Variants in SLC30A6 observed in about 807,000 individuals in gnomAD.
The protein encoded by SLC30A6 is solute carrier family 30 member 6.
Under a neutral mutation model 63.0 loss-of-function variants are expected in SLC30A6, and 55 were observed. That is an observed-to-expected ratio of 0.87 (90% CI 0.70 to 1.09). The LOEUF (loss-of-function observed/expected upper bound fraction) is 1.09, where lower values mean the gene tolerates loss of function less well. Among genes scored for constraint, SLC30A6 ranks in the 50% least tolerant of loss-of-function variants. SLC30A6 has a pLI of 0.00. For synonymous variants in SLC30A6, 224 were observed against 186.1 expected, an observed-to-expected ratio of 1.20 and a Z score of -1.66; for missense variants, 587 against 549.2, an observed-to-expected ratio of 1.07 and a Z score of -0.69.
At chr2:32,194,013 A>T (rs753067363) in intron 8 of SLC30A6, 30 bp downstream of exon 8, 1 of 1,528,276 alleles carries the variant, frequency 6.5e-7, no homozygotes, top group South Asian at 1.2e-5. Context: ...TTAATTTAAA[A>T]ATCCAACTAA....
chr2:32,201,480 C>A, intron 10 of SLC30A6: 1 of 425,278 alleles, frequency 2.4e-6, no homozygotes, highest in East Asian at 4.0e-5. Flanking sequence ...TCAAAAATTA[C>A]TAGTTGAATG....
intron 13 of SLC30A6, among the ~76,000 whole-genome samples, chr2:32,218,163 G>A (rs948114767): frequency 5.3e-5 from 8 of 152,024 alleles, no homozygotes; most frequent in Admixed American, 1.3e-4. Flanking sequence ...GCTCACGCCC[G>A]TAATCCCAGC....
At chr2:32,217,718 T>A (rs1685825233) in intron 13 of SLC30A6, among the ~76,000 whole-genome samples, 1 of 152,232 alleles carries the variant, frequency 6.6e-6, no homozygotes, top group African/African-American at 2.4e-5. Flanking sequence ...TCCATTTGTT[T>A]GTATCATCTG....
intron 8 of SLC30A6, 93 bp from the exon 9 acceptor site, chr2:32,197,251 C>T (rs1558403719): frequency 1.7e-6 from 2 of 1,165,886 alleles, no homozygotes; most frequent in Non-Finnish European, 1.2e-6. Flanking sequence ...CAGTCACTGC[C>T]AAATTTATTT....
At chr2:32,210,308 T>G (rs1347189182) in intron 13 of SLC30A6, among the ~76,000 whole-genome samples, 1 of 152,122 alleles carries the variant, frequency 6.6e-6, no homozygotes, top group African/African-American at 2.4e-5. Flanking sequence ...GGTTGAGAGT[T>G]TGAGACCAAC....
intron 5 of SLC30A6, among the ~76,000 whole-genome samples, chr2:32,191,896 CTAA>C (rs1231854807): frequency 6.6e-6 from 1 of 151,934 alleles, no homozygotes; most frequent in Non-Finnish European, 1.5e-5. Context: ...TAAAGTAATT[CTAA>C]TAAGGGGTTG....
intron 2 of SLC30A6, among the ~76,000 whole-genome samples, chr2:32,171,916 A>T (rs1046296844): frequency 3.3e-5 from 5 of 151,658 alleles, no homozygotes; most frequent in African/African-American, 1.2e-4. Context: ...CTGATCTCGA[A>T]CTCCCGACCT....
intron 13 of SLC30A6, among the ~76,000 whole-genome samples, chr2:32,217,085 A>G (rs577683414): frequency 2.6e-5 from 4 of 151,714 alleles, no homozygotes; most frequent in African/African-American, 9.7e-5. Context: ...TTTTGTAGAA[A>G]CAGGGTTTCA....
intron 5 of SLC30A6, among the ~76,000 whole-genome samples, chr2:32,191,697 T>C (rs1683335510): frequency 6.6e-6 from 1 of 152,112 alleles, no homozygotes; most frequent in Admixed American, 6.6e-5. Flanking sequence ...CAGTTACTTT[T>C]CTTCTTCGTG....
chr2:32,185,121 C>T (rs1210753013), intron 5 of SLC30A6, among the ~76,000 whole-genome samples: 2 of 152,024 alleles, frequency 1.3e-5, no homozygotes, highest in African/African-American at 4.8e-5. Flanking sequence ...GTAACCCTAG[C>T]ACTTTGGTAG....
intron 13 of SLC30A6, 55 bp downstream of exon 13, chr2:32,209,616 T>G: frequency 7.0e-7 from 1 of 1,425,184 alleles, no homozygotes; most frequent in African/African-American, 1.5e-5. Context: ...TCTTCCATTT[T>G]TAAAACTGAA....
Position 32,171,349 on chromosome 2 carries a change from T to A in SLC30A6, c.66T>A (p.Phe22Leu), listed in dbSNP as rs1398849912. Residue 22 changes from phenylalanine (F) to leucine (L), a missense_variant, in exon 2 of 14, where the codon TTT becomes TTA. By Grantham distance (22) the Phe-to-Leu change is conservative. Coordinates refer to ENST00000282587, the MANE Select transcript of SLC30A6 (RefSeq NM_017964.5). The stretch of plus-strand genomic sequence containing the variant: ...TTTTTGGCAAGTTGTTACGGGAATT[T>A]AGACTTGTAGCAGCTGACCGAAGGG... ...RSFFGKLLRE[F>L]RLVAADRRSW... 6.2e-7 allele frequency: 1 copy of A among 1,613,814 alleles called. No homozygotes were observed. Among genetic ancestry groups the A allele is most frequent in the Admixed American group, 1.7e-5 (1 of 60,010 alleles).
intron 6 of SLC30A6, 43 bp from the exon 7 acceptor site, chr2:32,192,875 T>C (rs773561668): frequency 4.7e-6 from 6 of 1,277,882 alleles, no homozygotes. Context: ...TTTTTAACTT[T>C]ATAATTTATA....
At chr2:32,201,730 G>C in intron 10 of SLC30A6, 1 of 1,335,304 alleles carries the variant, frequency 7.5e-7, no homozygotes, top group East Asian at 2.4e-5. Flanking sequence ...TTATGGACCT[G>C]TACTTCCCTT....
In SLC30A6 at chr2:32,207,161, C is replaced by T. The variant is rs534354007; in HGVS notation, c.816+228C>T. ...TGAAGTGAATGTGGAAGGTAATGGCCTAATGACCACCCTATTATAAATGCT... is the reference window on the plus strand; with the variant it reads ...TGAAGTGAATGTGGAAGGTAATGGCTTAATGACCACCCTATTATAAATGCT... On this transcript the variant is annotated intron_variant, in intron 12 of 13. Transcript: ENST00000282587. 7.9e-5 allele frequency among the ~76,000 whole-genome samples: 12 copies of T among 152,080 alleles called. No homozygotes were observed. In the South Asian group the frequency reaches 2.3e-3, roughly 29 times the overall value.
At chr2:32,184,232 C>T in intron 4 of SLC30A6, 41 bp from the exon 5 acceptor site, 1 of 1,195,550 alleles carries the variant, frequency 8.4e-7, no homozygotes, top group Non-Finnish European at 1.2e-6. Context: ...CACATGTTCT[C>T]TTCTAGTTCT....
At chr2:32,207,348 C>A (rs904709551) in intron 12 of SLC30A6, among the ~76,000 whole-genome samples, 3 of 151,688 alleles carry the variant, frequency 2.0e-5, no homozygotes, top group African/African-American at 7.3e-5. Context: ...GTAGGTGAGA[C>A]TACAGGCGCG....
chr2:32,220,291 A>C lies in SLC30A6; in HGVS notation c.964A>C (p.Thr322Pro), dbSNP rs776053076. 1 of 1,614,136 alleles carries C rather than the reference A, an allele frequency of 6.2e-7. No homozygotes were observed. Among genetic ancestry groups the C allele is most frequent in the Admixed American group, 1.7e-5 (1 of 60,016 alleles). The change falls in exon 14 of 14, where the codon ACT becomes CCT. Residue 322 changes from threonine to proline, a missense_variant. By Grantham distance (38) the Thr-to-Pro change is conservative (BLOSUM62 -1). Coordinates refer to ENST00000282587, the MANE Select transcript of SLC30A6 (RefSeq NM_017964.5). ...TGCTCATGTGACCAACAGGCTGTAC[A>C]CTCTAGTGTCTACTCTAACTGTTCA... ...VLAHVTNRLY[T>P]LVSTLTVQIF...
chr2:32,215,020 C>T lies in SLC30A6; in HGVS notation c.886-5193C>T, dbSNP rs373171471. On this transcript the variant is annotated intron_variant, in intron 13 of 13. Transcript: ENST00000282587. ...CTCTGTCTCATGATTGACAGTAGCTCTCTTACTATTTTTCTGTATTTTGTA... is the reference window on the plus strand; with the variant it reads ...CTCTGTCTCATGATTGACAGTAGCTTTCTTACTATTTTTCTGTATTTTGTA... 2.6e-5 allele frequency among the ~76,000 whole-genome samples: 4 copies of T among 152,248 alleles called. No homozygotes were observed. In the South Asian group the frequency reaches 8.3e-4, roughly 32 times the overall value.
Sources: gnomAD v4.1 joint callset for allele counts (sites outside exome capture counted in the v4.1 genomes callset) on GRCh38, gnomAD v4.1.1 for gene constraint, MANE v1.5 for transcripts, NCBI Gene and HGNC (gene_info 2026-07-23, HGNC 2026-07-21) for gene names.